UNC5A: variants seen among roughly 807,000 people sequenced by gnomAD.
UNC5A encodes netrin receptor UNC5A.
Under a neutral mutation model 87.4 loss-of-function variants are expected in UNC5A, and 20 were observed. The observed-to-expected ratio is 0.23, with a 90% CI of 0.16 to 0.33. UNC5A has a LOEUF of 0.33. Ranked by LOEUF, UNC5A falls within the 10% of genes least tolerant of loss-of-function variation. The pLI is 1.00. For missense variants in UNC5A, 844 were observed against 1,133.4 expected, an observed-to-expected ratio of 0.74 and a Z score of 3.67; for synonymous variants, 438 against 482.3, an observed-to-expected ratio of 0.91 and a Z score of 1.20.
chr5:176,814,872 G>C (rs1195099869), intron 1 of UNC5A, among the ~76,000 whole-genome samples: 1 of 152,196 alleles, frequency 6.6e-6, no homozygotes, highest in Non-Finnish European at 1.5e-5. Context: ...TGGGGACAGG[G>C]AGAGATGTTT....
At chr5:176,828,285 G>T (rs1240665934) in intron 1 of UNC5A, among the ~76,000 whole-genome samples, 3 of 152,194 alleles carry the variant, frequency 2.0e-5, no homozygotes, top group African/African-American at 2.4e-5. Flanking sequence ...TGATTAAGAG[G>T]TATTTGTTTT....
intron 1 of UNC5A, among the ~76,000 whole-genome samples, chr5:176,859,082 A>G (rs1757753289): frequency 6.6e-6 from 1 of 150,512 alleles, no homozygotes; most frequent in African/African-American, 2.5e-5. Context: ...TGCCCTTGCT[A>G]GAGGGCATAG....
chr5:176,849,185 G>A (rs748786573), intron 1 of UNC5A, among the ~76,000 whole-genome samples: 12 of 152,218 alleles, frequency 7.9e-5, no homozygotes, highest in South Asian at 2.1e-4. Context: ...TTGCCCTGCC[G>A]ACTTGTTTGG....
chr5:176,866,266 G>A lies in UNC5A; in HGVS notation c.293-1864G>A, dbSNP rs181287638. On this transcript the variant is annotated intron_variant, in intron 2 of 14. Coordinates refer to ENST00000329542, the MANE Select transcript of UNC5A (RefSeq NM_133369.3). The surrounding 1 kb of genome is among the most constrained non-coding windows in gnomAD (Gnocchi z 5.0). ...CTCACATCAAAGATGGGGTAGGGCC[G>A]GGTCTGCAGCCCCCGCCTCAGGCAC... Among the ~76,000 whole-genome samples, 518 of 152,300 alleles carry A rather than the reference G, an allele frequency of 3.4e-3. 3 individuals are homozygous for A. Among genetic ancestry groups the A allele is most frequent in the Middle Eastern group, 0.01 (3 of 294 alleles).
intron 1 of UNC5A, among the ~76,000 whole-genome samples, chr5:176,832,468 G>C (rs1466875026): frequency 2.6e-5 from 4 of 152,162 alleles, no homozygotes; most frequent in African/African-American, 9.7e-5. Flanking sequence ...TCACTTATCT[G>C]CTTGAATCAT....
intron 2 of UNC5A, among the ~76,000 whole-genome samples, chr5:176,863,803 C>G (rs1242887738): frequency 4.0e-5 from 1 of 24,988 alleles, no homozygotes; most frequent in East Asian, 1.4e-3. Context: ...TTCTTCCCTC[C>G]TTCCCCTCCT....
chr5:176,826,715 T>A (rs964391155), intron 1 of UNC5A, among the ~76,000 whole-genome samples: 33 of 149,446 alleles, frequency 2.2e-4, no homozygotes, highest in African/African-American at 7.2e-4. Flanking sequence ...ATCTCGGCTC[T>A]CTGCAAGCTC....
chr5:176,813,494 G>A (rs377600960), intron 1 of UNC5A, among the ~76,000 whole-genome samples: 33 of 152,304 alleles, frequency 2.2e-4, no homozygotes, highest in African/African-American at 7.5e-4. Context: ...GTTCCTGCTC[G>A]CCCTGCCTTG....
At chr5:176,836,129 A>G (rs1267463003) in intron 1 of UNC5A, among the ~76,000 whole-genome samples, 1 of 152,356 alleles carries the variant, frequency 6.6e-6, no homozygotes, top group African/African-American at 2.4e-5. Flanking sequence ...TGGACAGAGA[A>G]TGGCCAGCAG....
In UNC5A at chr5:176,833,700, A is replaced by T. The variant is rs376113982; in HGVS notation, c.70+22880A>T. ...GCTCAGTCACACAGCCTCTTTTTTT[A>T]TCTTTTTTCTTTCTTTTTTTTTTTT... On this transcript the variant is annotated intron_variant, in intron 1 of 14. Transcript: ENST00000329542. Among the ~76,000 whole-genome samples the T allele has an allele frequency of 3.0e-4, 43 of 143,448 alleles. 1 individual carries two copies. The highest frequency in any genetic ancestry group is 7.8e-3 in the Middle Eastern group (2 of 256). 94.1% of individuals were successfully genotyped at this position (143,448 alleles called of 152,430 possible). A position where few individuals can be genotyped will look rare whatever the true frequency, so the allele number is the denominator to read the frequency against.
intron 1 of UNC5A, among the ~76,000 whole-genome samples, chr5:176,814,051 A>C (rs886526191): frequency 6.6e-6 from 1 of 152,058 alleles, no homozygotes; most frequent in Non-Finnish European, 1.5e-5. Context: ...TATGTCACCA[A>C]GTCCTCCAGC....
chr5:176,837,939 C>G (rs1757185945), intron 1 of UNC5A, among the ~76,000 whole-genome samples: 1 of 152,190 alleles, frequency 6.6e-6, no homozygotes, highest in Non-Finnish European at 1.5e-5. Context: ...CTCTAGAGAC[C>G]TCTAGAGAAT....
At chr5:176,829,257 ATGGATGGGTGGC>A (rs1756934224) in intron 1 of UNC5A, among the ~76,000 whole-genome samples, 1 of 69,624 alleles carries the variant, frequency 1.4e-5, no homozygotes. Flanking sequence ...GGATGGGTGG[ATGGATGGGTGGC>A]TGGATGGATG....
In UNC5A at chr5:176,878,294, A is replaced by G. The variant is rs144017151; in HGVS notation, c.1920A>G (p.Pro640=). 29 of 1,613,044 alleles carry G rather than the reference A, an allele frequency of 1.8e-5. No homozygotes were observed. The highest frequency in any genetic ancestry group is 5.1e-6 in the Non-Finnish European group (6 of 1,180,014). Residue 640 remains proline, a synonymous_variant, in exon 12 of 15, where the codon CCA becomes CCG. Transcript: ENST00000329542. ...TGGGGGGACAGCTGATCCAGGAGCCACGGGTCCTGCACTTCAAGGACAGTT... is the reference window on the plus strand; with the variant it reads ...TGGGGGGACAGCTGATCCAGGAGCCGCGGGTCCTGCACTTCAAGGACAGTT... ...KQLGGQLIQE[P]RVLHFKDSYH...
chr5:176,872,161 C>A (rs77877886), intron 6 of UNC5A, among the ~76,000 whole-genome samples: 8 of 107,040 alleles, frequency 7.5e-5, no homozygotes, highest in African/African-American at 1.5e-4. Context: ...CCACAGCTTC[C>A]CATCTGCCCA....
At chr5:176,860,879 G>A (rs1757819699) in intron 1 of UNC5A, among the ~76,000 whole-genome samples, 1 of 152,224 alleles carries the variant, frequency 6.6e-6, no homozygotes, top group Non-Finnish European at 1.5e-5. Context: ...GCCAAGCTGG[G>A]GAGAGGCCGG....
intron 9 of UNC5A, 86 bp from the exon 10 acceptor site, chr5:176,877,449 C>A: frequency 6.8e-7 from 1 of 1,465,540 alleles, no homozygotes; most frequent in South Asian, 1.3e-5. Flanking sequence ...CCCTGGGATG[C>A]TGCTGCCCTG....
At chr5:176,857,110 C>T (rs1312737977) in intron 1 of UNC5A, among the ~76,000 whole-genome samples, 10 of 152,238 alleles carry the variant, frequency 6.6e-5, no homozygotes, top group Non-Finnish European at 2.9e-5. Flanking sequence ...AGCCCTCTCA[C>T]CCGCCCCTTT....
rs1003186835 is a variant in UNC5A, at chr5:176,880,524, G to T, written c.*638G>T. ...ATGCTGTACACCTGAGGCTGCTCAC[G>T]TCTCACGCCCAGTGTTGGTGCACAT... On this transcript the variant is annotated 3_prime_UTR_variant, in exon 15 of 15. Coordinates refer to ENST00000329542, the MANE Select transcript of UNC5A (RefSeq NM_133369.3). The T allele has an allele frequency of 1.3e-5, 2 of 154,144 alleles. No individual in the cohort carries two copies. The highest frequency in any genetic ancestry group is 2.9e-5 in the Non-Finnish European group (2 of 69,184). 9.5% of individuals were successfully genotyped at this position (154,144 alleles called of 1,614,324 possible).
Sources: gnomAD v4.1 joint callset for allele counts (sites outside exome capture counted in the v4.1 genomes callset) on GRCh38, gnomAD v4.1.1 for gene constraint, Gnocchi (gnomAD v3.1) non-coding constraint, MANE v1.5 for transcripts, NCBI Gene and HGNC (gene_info 2026-07-23, HGNC 2026-07-21) for gene names.